The following EML4 variants were observed in gnomAD, a reference collection of about 807,000 sequenced individuals.
The protein encoded by EML4 is EMAP like 4.
EML4 carries 72 observed loss-of-function variants against 129.0 expected under a neutral mutation model. The ratio of observed to expected loss-of-function variants is 0.56; its 90% CI spans 0.46 to 0.68. EML4 has a LOEUF of 0.68. Among genes scored for constraint, EML4 ranks in the 30% least tolerant of loss-of-function variants. The pLI is 0.00. For missense variants in EML4, 1,363 were observed against 1,190.6 expected (o/e 1.14, Z -2.13); for synonymous variants, 532 against 405.0 (o/e 1.31, Z -3.77).
Position 42,330,963 on chromosome 2 carries a change from T to C in EML4, c.*756T>C, listed in dbSNP as rs551224207. ...TAAAACCTTCAATACTCAGAAATGATGGATTCCTCCAAGGAGTCCTTTACT... is the reference window on the plus strand; with the variant it reads ...TAAAACCTTCAATACTCAGAAATGACGGATTCCTCCAAGGAGTCCTTTACT... On this transcript the variant is annotated 3_prime_UTR_variant, in exon 23 of 23. Coordinates refer to ENST00000318522, the MANE Select transcript of EML4 (RefSeq NM_019063.5). 3 of 207,628 alleles carry C rather than the reference T, an allele frequency of 1.4e-5. No individual in the cohort carries two copies. The highest frequency in any genetic ancestry group is 1.5e-4 in the East Asian group (2 of 13,556). The allele number at this position is 207,628 out of a possible 1,614,324, so 12.9% of individuals were successfully genotyped here. A position where few individuals can be genotyped will look rare whatever the true frequency, so the allele number is the denominator to read the frequency against.
intron 17 of EML4, among the ~76,000 whole-genome samples, chr2:42,315,445 C>T (rs1261446450): frequency 1.3e-5 from 2 of 152,160 alleles, no homozygotes; most frequent in Non-Finnish European, 2.9e-5. Context: ...CCCAAATAGA[C>T]ATGAGAATAT....
intron 1 of EML4, among the ~76,000 whole-genome samples, chr2:42,213,814 A>G (rs1356226326): frequency 1.3e-5 from 2 of 152,250 alleles, no homozygotes; most frequent in African/African-American, 4.8e-5. Context: ...ACAACTGGCT[A>G]GAAAGTACTT....
At chr2:42,242,711 CCTTTT>C (rs946260977) in intron 1 of EML4, among the ~76,000 whole-genome samples, 7 of 150,428 alleles carry the variant, frequency 4.7e-5, no homozygotes, top group South Asian at 2.1e-4. Flanking sequence ...TCTTTTCTTT[CCTTTT>C]CTTTTCTCTT....
intron 15 of EML4, 43 bp downstream of exon 15, chr2:42,303,272 A>G: frequency 6.2e-7 from 1 of 1,613,854 alleles, no homozygotes; most frequent in Non-Finnish European, 8.5e-7. Context: ...ATTTTTTATG[A>G]TATTCTTTGG....
intron 6 of EML4, among the ~76,000 whole-genome samples, chr2:42,267,324 T>C (rs1312439473): frequency 1.3e-5 from 2 of 152,244 alleles, no homozygotes; most frequent in African/African-American, 4.8e-5. Context: ...TGACTGTAAG[T>C]TGTATAGCTA....
In EML4 at chr2:42,316,450, A is replaced by G. The variant is rs115868607; in HGVS notation, c.2056+400A>G. 6.4e-3 allele frequency among the ~76,000 whole-genome samples: 982 copies of G among 152,378 alleles called. 6 individuals carry two copies. The highest frequency in any genetic ancestry group is 0.023 in the African/African-American group (936 of 41,592). On this transcript the variant is annotated intron_variant, in intron 18 of 22. Transcript: ENST00000318522. ...GCGAAATTCAAAATACGCAAATTGT[A>G]TAGGCCCTTCAAGTCCTTTAGAATC...
At chr2:42,314,452 A>T (rs1005283941) in intron 17 of EML4, among the ~76,000 whole-genome samples, 1 of 152,202 alleles carries the variant, frequency 6.6e-6, no homozygotes, top group African/African-American at 2.4e-5. Context: ...TTAGGCAGCT[A>T]ACCTAATTCT....
chr2:42,297,392 G>C (rs770620892), intron 13 of EML4, among the ~76,000 whole-genome samples: 2 of 152,146 alleles, frequency 1.3e-5, no homozygotes, highest in Non-Finnish European at 2.9e-5. Context: ...TCAGGTTGGG[G>C]ACAGGAAGAA....
At chr2:42,283,393 C>CTAT (rs1025479026) in intron 8 of EML4, among the ~76,000 whole-genome samples, 132 of 152,244 alleles carry the variant, frequency 8.7e-4, no homozygotes, top group African/African-American at 2.9e-3. Context: ...AGAAATCTAG[C>CTAT]TGAATAAGGA....
intron 13 of EML4, among the ~76,000 whole-genome samples, chr2:42,296,609 C>G (rs1368482418): frequency 6.6e-6 from 1 of 152,168 alleles, no homozygotes; most frequent in Non-Finnish European, 1.5e-5. Context: ...CCCCAATAAG[C>G]TTTCCCTGGG....
At chr2:42,325,056 C>G (rs1302085212) in intron 19 of EML4, among the ~76,000 whole-genome samples, 2 of 152,072 alleles carry the variant, frequency 1.3e-5, no homozygotes. Flanking sequence ...CAGAAGTAGC[C>G]CAGGAAAACT....
At chr2:42,206,678 A>C (rs1421546680) in intron 1 of EML4, among the ~76,000 whole-genome samples, 1 of 152,160 alleles carries the variant, frequency 6.6e-6, no homozygotes, top group Non-Finnish European at 1.5e-5. Flanking sequence ...TTTGTCTGAT[A>C]TTTCTTCATG....
At chr2:42,275,525 C>T (rs1292305430) in intron 6 of EML4, among the ~76,000 whole-genome samples, 6 of 152,184 alleles carry the variant, frequency 3.9e-5, no homozygotes, top group Non-Finnish European at 5.9e-5. Context: ...TCATCCAGCC[C>T]CAACATTATA....
At chr2:42,298,738 T>C (rs1211325495) in intron 13 of EML4, among the ~76,000 whole-genome samples, 1 of 151,754 alleles carries the variant, frequency 6.6e-6, no homozygotes, top group Non-Finnish European at 1.5e-5. Flanking sequence ...GGATTTTAAG[T>C]GTTTAACAAG....
chr2:42,186,881 G>T (rs1187157668), intron 1 of EML4, among the ~76,000 whole-genome samples: 1 of 151,952 alleles, frequency 6.6e-6, no homozygotes, highest in East Asian at 1.9e-4. Flanking sequence ...ATATCATTGT[G>T]TATTCACTAC....
At chr2:42,290,972 A>G (rs949171353) in intron 11 of EML4, among the ~76,000 whole-genome samples, 8 of 152,206 alleles carry the variant, frequency 5.3e-5, no homozygotes, top group African/African-American at 1.9e-4. Context: ...AATAGCCACA[A>G]TTGTAAAGAA....
At chr2:42,257,312 G>C (rs1676216044) in intron 3 of EML4, among the ~76,000 whole-genome samples, 1 of 152,164 alleles carries the variant, frequency 6.6e-6, no homozygotes, top group African/African-American at 2.4e-5. Flanking sequence ...AGTTTGGAGA[G>C]ACCATAGGTG....
At chr2:42,186,481 A>G (rs1671258577) in intron 1 of EML4, among the ~76,000 whole-genome samples, 1 of 152,216 alleles carries the variant, frequency 6.6e-6, no homozygotes, top group Non-Finnish European at 1.5e-5. Flanking sequence ...TGTATGAGAA[A>G]GTGTTTTTAG....
chr2:42,278,893 A>G (rs7571347), intron 6 of EML4, among the ~76,000 whole-genome samples: 95,641 of 151,756 alleles, frequency 0.63, 31,152 homozygotes, highest in African/African-American at 0.79. Flanking sequence ...CCAAGATGGC[A>G]CCATTGCACT....
Sources: allele counts gnomAD v4.1 joint callset (sites outside exome capture counted in the v4.1 genomes callset), GRCh38; gene constraint gnomAD v4.1.1; transcripts MANE v1.5; gene names NCBI Gene and HGNC (gene_info 2026-07-23, HGNC 2026-07-21).